The following CIBAR1 variants were observed in gnomAD, a reference collection of about 807,000 sequenced individuals.
The protein encoded by CIBAR1 is CBY1 interacting BAR domain containing 1, also known as CBY1-interacting BAR domain-containing protein 1.
In CIBAR1, 25 loss-of-function variants were observed where a neutral mutation model predicts 44.0. The ratio of observed to expected loss-of-function variants is 0.57; its 90% CI spans 0.41 to 0.79. The LOEUF (loss-of-function observed/expected upper bound fraction) is 0.79. Ranked by LOEUF, CIBAR1 falls within the 30% of genes least tolerant of loss-of-function variation. CIBAR1 has a pLI of 0.00. For missense variants in CIBAR1, 278 were observed against 344.8 expected (o/e 0.81, Z 1.53); for synonymous variants, 115 against 119.0 (o/e 0.97, Z 0.22).
intron 6 of CIBAR1, among the ~76,000 whole-genome samples, chr8:93,716,943 T>C (rs1430006300): frequency 6.6e-6 from 1 of 152,238 alleles, no homozygotes; most frequent in African/African-American, 2.4e-5. Context: ...ACCTTTTCGT[T>C]AAAGATCTCT....
chr8:93,719,905 G>C (rs1386107128), intron 7 of CIBAR1: 1 of 151,214 alleles, frequency 6.6e-6, no homozygotes, highest in Non-Finnish European at 1.5e-5. Flanking sequence ...TATAACAAGA[G>C]TTCTGTATTA....
rs1811646819 is a variant in CIBAR1, at chr8:93,728,497, T to C, written c.*200T>C. ...CCAGTCATTTCAACATCCTACCTAG[T>C]GTTACATGATTTTTGTGTAAGTGCC... On this transcript the variant is annotated 3_prime_UTR_variant, in exon 9 of 9. Coordinates refer to ENST00000518322, the MANE Select transcript of CIBAR1 (RefSeq NM_145269.5). 1 of 411,778 alleles carries C rather than the reference T, an allele frequency of 2.4e-6. No homozygotes were observed. Among genetic ancestry groups the C allele is most frequent in the Non-Finnish European group, 4.3e-6 (1 of 230,274 alleles). 25.5% of individuals were successfully genotyped at this position (411,778 alleles called of 1,614,324 possible).
At chr8:93,726,294 A>C (rs1279867295) in intron 7 of CIBAR1, 100 bp from the exon 8 acceptor site, 5 of 957,820 alleles carry the variant, frequency 5.2e-6, no homozygotes, top group East Asian at 5.8e-5. Flanking sequence ...ATTTGGGGGG[A>C]GTTGTTTTTT....
intron 1 of CIBAR1, 154 bp from the exon 2 acceptor site, chr8:93,701,070 T>C: frequency 6.8e-7 from 1 of 1,475,998 alleles, no homozygotes; most frequent in Non-Finnish European, 9.0e-7. Flanking sequence ...CAGGACCCCA[T>C]GGAGAGCAGT....
At chr8:93,712,770 G>A (rs1008944908) in intron 6 of CIBAR1, among the ~76,000 whole-genome samples, 14 of 147,308 alleles carry the variant, frequency 9.5e-5, no homozygotes, top group Non-Finnish European at 1.3e-4. Context: ...TGTAGTAGTC[G>A]TCTCATTATA....
chr8:93,700,681 C>G lies in CIBAR1; in HGVS notation c.26+8C>G, dbSNP rs1810301933. ...GCGCACCCTGGAAAACCGGTAACAG[C>G]CCGAGCCCAGCTGCCCAGGGCCGCC... On this transcript the variant is annotated splice_region_variant and intron_variant, in intron 1 of 8. Transcript: ENST00000518322. 2 of 1,504,316 alleles carry G rather than the reference C, an allele frequency of 1.3e-6. No individual in the cohort carries two copies. Among genetic ancestry groups the G allele is most frequent in the Non-Finnish European group, 1.8e-6 (2 of 1,127,042 alleles). The allele number at this position is 1,504,316 out of a possible 1,614,324, so 93.2% of individuals were successfully genotyped here. A position where few individuals can be genotyped will look rare whatever the true frequency, so the allele number is the denominator to read the frequency against.
At chr8:93,725,371 T>G (rs377142873) in intron 7 of CIBAR1, among the ~76,000 whole-genome samples, 1 of 151,976 alleles carries the variant, frequency 6.6e-6, no homozygotes, top group African/African-American at 2.4e-5. Context: ...TGTAAAGAAA[T>G]AGAGAAGCCA....
chr8:93,700,889 G>T (rs149481952), intron 1 of CIBAR1: 1 of 1,308,428 alleles, frequency 7.6e-7, no homozygotes, highest in Non-Finnish European at 9.7e-7. Flanking sequence ...ACCCACCCAC[G>T]CCACCGGGTC....
intron 7 of CIBAR1, chr8:93,724,367 C>T: frequency 3.1e-6 from 1 of 320,410 alleles, no homozygotes; most frequent in South Asian, 2.5e-5. Context: ...ATCCTGTTGC[C>T]CATGCTGGCG....
intron 4 of CIBAR1, chr8:93,705,239 C>T (rs946431453): frequency 4.7e-6 from 2 of 429,662 alleles, no homozygotes; most frequent in African/African-American, 4.1e-5. Flanking sequence ...AACGAACAAA[C>T]AAAAAATTCA....
chr8:93,717,752 G>C (rs1811089438), intron 6 of CIBAR1, among the ~76,000 whole-genome samples: 1 of 152,098 alleles, frequency 6.6e-6, no homozygotes, highest in African/African-American at 2.4e-5. Flanking sequence ...AGTATTTTCT[G>C]CCTTGTTCTT....
intron 6 of CIBAR1, among the ~76,000 whole-genome samples, chr8:93,713,509 T>G (rs1252762987): frequency 6.6e-6 from 1 of 152,200 alleles, no homozygotes; most frequent in Non-Finnish European, 1.5e-5. Context: ...GAAATCCAAT[T>G]TATCTCTCTT....
At chr8:93,726,538 G>A (rs778138896) in intron 8 of CIBAR1, 25 bp downstream of exon 8, 5 of 1,611,212 alleles carry the variant, frequency 3.1e-6, no homozygotes, top group African/African-American at 2.7e-5. Flanking sequence ...GTACTCTAAA[G>A]GAATTTGAGC....
intron 2 of CIBAR1, among the ~76,000 whole-genome samples, chr8:93,703,007 T>A (rs1810424595): frequency 6.6e-6 from 1 of 152,192 alleles, no homozygotes; most frequent in Admixed American, 6.5e-5. Flanking sequence ...AAAATGTGAT[T>A]TAAAAACCTG....
At chr8:93,704,662 C>T (rs906186810) in intron 3 of CIBAR1, among the ~76,000 whole-genome samples, 1 of 152,160 alleles carries the variant, frequency 6.6e-6, no homozygotes, top group African/African-American at 2.4e-5. Flanking sequence ...CATTTATATG[C>T]ATATATCTAT....
chr8:93,716,879 A>T (rs1811055809), intron 6 of CIBAR1, among the ~76,000 whole-genome samples: 1 of 152,232 alleles, frequency 6.6e-6, no homozygotes, highest in African/African-American at 2.4e-5. Flanking sequence ...TCCTTTATTG[A>T]ATATCCTATA....
At chr8:93,723,975 T>C (rs1563650955) in intron 7 of CIBAR1, among the ~76,000 whole-genome samples, 1 of 152,188 alleles carries the variant, frequency 6.6e-6, no homozygotes, top group Admixed American at 6.5e-5. Context: ...CTCACACTTG[T>C]AATCTCAGCA....
intron 7 of CIBAR1, chr8:93,719,605 T>C (rs568225032): frequency 6.6e-6 from 1 of 152,344 alleles, no homozygotes; most frequent in Non-Finnish European, 1.5e-5. Flanking sequence ...GGATTCTGAC[T>C]GACTGTGTAA....
rs144295239 is a variant in CIBAR1, at chr8:93,721,409, T to C, written c.657+2621T>C. Among the ~76,000 whole-genome samples the C allele has an allele frequency of 7.6e-3, 1,153 of 152,282 alleles. 7 individuals are homozygous for C. Among genetic ancestry groups the C allele is most frequent in the Non-Finnish European group, 0.012 (794 of 68,018 alleles). On this transcript the variant is annotated intron_variant, in intron 7 of 8. Transcript: ENST00000518322. ...CTCCTCATCCCAGAGGTCCTAGATA[T>C]TTTTTTGTCACACCACTTCCTTTAT...
Sources: gnomAD v4.1 joint callset for allele counts (sites outside exome capture counted in the v4.1 genomes callset) on GRCh38, gnomAD v4.1.1 for gene constraint, MANE v1.5 for transcripts, NCBI Gene and HGNC (gene_info 2026-07-23, HGNC 2026-07-21) for gene names.